Variants in CYTH2 observed in about 807,000 individuals in gnomAD.
The protein encoded by CYTH2 is cytohesin 2.
CYTH2 carries 24 observed loss-of-function variants against 55.4 expected under a neutral mutation model. The observed-to-expected ratio is 0.43, with a 90% CI of 0.31 to 0.61. CYTH2 has a LOEUF of 0.61. Ranked by LOEUF, CYTH2 falls within the 20% of genes least tolerant of loss-of-function variation. The pLI, the probability that CYTH2 is intolerant of heterozygous loss-of-function variation, is 0.08. For synonymous variants in CYTH2, 221 were observed against 209.6 expected (o/e 1.05, Z -0.47); for missense variants, 378 against 533.5 (o/e 0.71, Z 2.87).
rs1488222507 is a variant in CYTH2, at chr19:48,479,398, C to T, written c.*188C>T. The T allele has an allele frequency of 5.0e-6, 3 of 604,234 alleles. No homozygotes were observed. In the Admixed American group the frequency reaches 8.8e-5, roughly 18 times the overall value. 37.4% of individuals were successfully genotyped at this position (604,234 alleles called of 1,614,324 possible). A position where few individuals can be genotyped will look rare whatever the true frequency, so the allele number is the denominator to read the frequency against. Reference sequence around the variant, plus strand: ...TTATTTAACCACTTGGCCTGCTGACCCCCTCATTTCTTGGGGTTGACAGAG... The same window carrying T: ...TTATTTAACCACTTGGCCTGCTGACTCCCTCATTTCTTGGGGTTGACAGAG... On this transcript the variant is annotated 3_prime_UTR_variant, in exon 12 of 12. Transcript: ENST00000452733.
Position 48,474,343 on chromosome 19 carries a change from T to TCCCTGCCCCTCAG in CYTH2, c.696+25_696+37dup. On this transcript the variant is annotated intron_variant, in intron 7 of 11. Transcript: ENST00000452733. This position sits in a 1 kb window ranked among gnomAD's most constrained non-coding sequence, Gnocchi z 4.9. ...GGAGCTGCTCAGGGTCAGTCCCCCT[T>TCCCTGCCCCTCAG]CCCTGCCCCTCAGCCCTGCCCCTCT... The TCCCTGCCCCTCAG allele has an allele frequency of 6.4e-7, 1 of 1,570,386 alleles. No individual in the cohort carries two copies.
At position 48,474,386 on chromosome 19, in the gene CYTH2, C is replaced by T; in HGVS notation, c.696+56C>T. 1 of 1,523,216 alleles carries T rather than the reference C, an allele frequency of 6.6e-7. No homozygotes were observed. Among genetic ancestry groups the T allele is most frequent in the East Asian group, 2.3e-5 (1 of 43,268 alleles). 94.4% of individuals were successfully genotyped at this position (1,523,216 alleles called of 1,614,324 possible). On this transcript the variant is annotated intron_variant, in intron 7 of 11. Transcript: ENST00000452733. The surrounding 1 kb of genome is among the most constrained non-coding windows in gnomAD (Gnocchi z 4.9). ...GCCCCTCTTCCTGCCACAGACACCC[C>T]CGCCCCACCTGTGGTCTCCTAGTGC...
chr19:48,481,860 C>G lies in CYTH2; in HGVS notation c.*2650C>G, dbSNP rs1191315011. On this transcript the variant is annotated 3_prime_UTR_variant, in exon 12 of 12. Transcript: ENST00000452733. ...CAATGGTTTGGATATCGTTTGTCCTCACTAAAATTCATGTTGAGATTCGAG... is the reference window on the plus strand; with the variant it reads ...CAATGGTTTGGATATCGTTTGTCCTGACTAAAATTCATGTTGAGATTCGAG... 6.6e-6 allele frequency: 1 copy of G among 152,474 alleles called. No homozygotes were observed. Among genetic ancestry groups the G allele is most frequent in the East Asian group, 1.9e-4 (1 of 5,194 alleles). 9.4% of individuals were successfully genotyped at this position (152,474 alleles called of 1,614,324 possible).
At position 48,478,109 on chromosome 19, in the gene CYTH2, C is replaced by T. The variant is rs769769723; in HGVS notation, c.849C>T (p.Leu283=). 9.9e-6 allele frequency: 16 copies of T among 1,614,050 alleles called. No individual in the cohort carries two copies. Among genetic ancestry groups the T allele is most frequent in the Non-Finnish European group, 1.2e-5 (14 of 1,180,020 alleles). ...CGTGGAAGCGGCGCTGGTTTATCCT[C>T]ACAGACAACTGCCTCTACTACTTTG... ...VKTWKRRWFI[L]TDNCLYYFEY... Residue 283 remains leucine (L), a synonymous_variant, in exon 9 of 12, where the codon CTC becomes CTT. Transcript: ENST00000452733.
intron 3 of CYTH2, among the ~76,000 whole-genome samples, chr19:48,471,181 A>AGT (rs1483531857): frequency 1.3e-5 from 2 of 150,166 alleles, no homozygotes; most frequent in African/African-American, 5.0e-5. Context: ...TGTGTGTGTG[A>AGT]GACAGAGTCT....
At position 48,474,993 on chromosome 19, in the gene CYTH2, T is replaced by C. The variant is rs1971883417; in HGVS notation, c.808+44T>C. ...CCGCTGGTCCCTCCGCAGGAGGACA[T>C]TTGTGGGCCTGGGCCCTGGACTCAG... On this transcript the variant is annotated intron_variant, in intron 8 of 11. Coordinates refer to ENST00000452733, the MANE Select transcript of CYTH2 (RefSeq NM_004228.7). This position sits in a 1 kb window ranked among gnomAD's most constrained non-coding sequence, Gnocchi z 4.9. 1 of 1,569,992 alleles carries C rather than the reference T, an allele frequency of 6.4e-7. No homozygotes were observed. Among genetic ancestry groups the C allele is most frequent in the Non-Finnish European group, 8.7e-7 (1 of 1,145,024 alleles).
intron 3 of CYTH2, among the ~76,000 whole-genome samples, chr19:48,471,410 C>T (rs1971790727): frequency 6.6e-6 from 1 of 152,172 alleles, no homozygotes; most frequent in South Asian, 2.1e-4. Flanking sequence ...CCTCAGCCTC[C>T]CAAAGTGTTG....
At position 48,474,258 on chromosome 19, in the gene CYTH2, G is replaced by C. The variant is rs200137114; in HGVS notation, c.624G>C (p.Pro208=). ...ACAATCCCAATGTCCGGGACAAGCC[G>C]GGCCTGGAGCGCTTTGTGGCCATGA... ...SLHNPNVRDK[P]GLERFVAMNR... The change falls in exon 7 of 12, where the codon CCG becomes CCC. Residue 208 remains proline, a synonymous_variant. Coordinates refer to ENST00000452733, the MANE Select transcript of CYTH2 (RefSeq NM_004228.7). This position sits in a 1 kb window ranked among gnomAD's most constrained non-coding sequence, Gnocchi z 4.9. The C allele has an allele frequency of 4.3e-6, 7 of 1,613,536 alleles. No homozygotes were observed. In the South Asian group the frequency reaches 6.6e-5, roughly 15 times the overall value.
intron 8 of CYTH2, 113 bp from the exon 9 acceptor site, chr19:48,477,956 G>T (rs1275836823): frequency 1.3e-6 from 1 of 782,972 alleles, no homozygotes; most frequent in Non-Finnish European, 2.1e-6. Context: ...CTTTGTCTAG[G>T]CCCCAGGAGC....
In CYTH2 at chr19:48,475,046, G is replaced by A. The variant is rs1601024785; in HGVS notation, c.808+97G>A. 3.7e-6 allele frequency: 4 copies of A among 1,080,930 alleles called. No homozygotes were observed. In the East Asian group the frequency reaches 9.7e-5, roughly 26 times the overall value. The allele number at this position is 1,080,930 out of a possible 1,614,324, so 67.0% of individuals were successfully genotyped here. A position where few individuals can be genotyped will look rare whatever the true frequency, so the allele number is the denominator to read the frequency against. On this transcript the variant is annotated intron_variant, in intron 8 of 11. Coordinates refer to ENST00000452733, the MANE Select transcript of CYTH2 (RefSeq NM_004228.7). ...TCCGCACACACCTGCTGCCTGAACT[G>A]AGGCAAATGATTCGACCTCTCTGAA...
intron 8 of CYTH2, chr19:48,476,095 C>A: frequency 2.0e-6 from 1 of 497,410 alleles, no homozygotes; most frequent in Non-Finnish European, 4.0e-6. Flanking sequence ...GCTCTTAAAC[C>A]AGGGCATCAC....
At chr19:48,477,704 C>A (rs905097080) in intron 8 of CYTH2, 24 of 254,450 alleles carry the variant, frequency 9.4e-5, no homozygotes, top group African/African-American at 5.1e-4. Context: ...TGCTTTCTCG[C>A]TGTCTGCCCC....
rs1569093201 is a variant in CYTH2, at chr19:48,478,762, GGAGGAGGGGCA to G, written c.1112+172_1112+182del. Among the ~76,000 whole-genome samples the G allele has an allele frequency of 2.7e-4, 39 of 146,886 alleles. 2 individuals are homozygous for G. The highest frequency in any genetic ancestry group is 8.3e-4 in the African/African-American group (32 of 38,424). The stretch of plus-strand genomic sequence containing the variant: ...TGGGGCCTGGACTCCTGGGTCTGAC[GGAGGAGGGGCA>G]GGGGCCTGGACACCTGGGTCTGACG... On this transcript the variant is annotated intron_variant, in intron 11 of 11. Transcript: ENST00000452733.
At chr19:48,477,801 G>T (rs190368013) in intron 8 of CYTH2, 7 of 495,552 alleles carry the variant, frequency 1.4e-5, no homozygotes, top group Middle Eastern at 5.4e-4. Context: ...CTGGCCTCCT[G>T]CCCACAGGAG....
At chr19:48,477,875 A>C (rs1397061092) in intron 8 of CYTH2, 194 bp from the exon 9 acceptor site, 2 of 566,624 alleles carry the variant, frequency 3.5e-6, no homozygotes, top group Non-Finnish European at 6.4e-6. Flanking sequence ...TGGAGCCCCA[A>C]GCTGGGGGTG....
In CYTH2 at chr19:48,469,475, G is replaced by A; in HGVS notation, c.-33G>A. On this transcript the variant is annotated 5_prime_UTR_variant, in exon 1 of 12. Transcript: ENST00000452733. The stretch of plus-strand genomic sequence containing the variant: ...GGATCCAGGCCCGACTGGCGGGACC[G>A]CCCCGGATTCCCCGCGGGCCTTCCT... 1 of 1,309,816 alleles carries A rather than the reference G, an allele frequency of 7.6e-7. No individual in the cohort carries two copies. The highest frequency in any genetic ancestry group is 2.2e-5 in the South Asian group (1 of 45,778). 81.1% of individuals were successfully genotyped at this position (1,309,816 alleles called of 1,614,324 possible). A position where few individuals can be genotyped will look rare whatever the true frequency, so the allele number is the denominator to read the frequency against.
intron 8 of CYTH2, chr19:48,477,788 G>A (rs964925289): frequency 6.2e-5 from 29 of 468,384 alleles, no homozygotes; most frequent in Middle Eastern, 5.8e-4. Context: ...GCGCCCTGGC[G>A]CCCTGGCCTC....
chr19:48,470,536 G>A, intron 2 of CYTH2, 36 bp downstream of exon 2: 1 of 1,613,972 alleles, frequency 6.2e-7, no homozygotes, highest in South Asian at 1.1e-5. Flanking sequence ...GGGGCGTGGG[G>A]TTGGCTGAGG....
Position 48,473,637 on chromosome 19 carries a change from C to T in CYTH2, c.434+259C>T, listed in dbSNP as rs140697157. 1,950 of 598,250 alleles carry T rather than the reference C, an allele frequency of 3.3e-3. 9 individuals are homozygous for T. The highest frequency in any genetic ancestry group is 5.9e-3 in the Middle Eastern group (14 of 2,376). The allele number at this position is 598,250 out of a possible 1,614,324, so 37.1% of individuals were successfully genotyped here. ...TTTGCCACTGTGTCAGCATTGCTCT[C>T]TGCAGACCCGCTTACCTGATAACAA... On this transcript the variant is annotated intron_variant, in intron 5 of 11. Transcript: ENST00000452733.
Sources: gnomAD v4.1 joint callset for allele counts (sites outside exome capture counted in the v4.1 genomes callset) on GRCh38, gnomAD v4.1.1 for gene constraint, Gnocchi (gnomAD v3.1) non-coding constraint, MANE v1.5 for transcripts, NCBI Gene and HGNC (gene_info 2026-07-23, HGNC 2026-07-21) for gene names.